Variants in TRIM37 observed in about 807,000 individuals in gnomAD.
TRIM37 encodes tripartite motif containing 37.
TRIM37 carries 80 observed loss-of-function variants against 129.8 expected under a neutral mutation model. The ratio of observed to expected loss-of-function variants is 0.62; its 90% CI spans 0.51 to 0.74. The LOEUF is 0.74. TRIM37 is among the 30% of genes least tolerant of loss of function. The pLI is 0.00. For synonymous variants in TRIM37, 389 were observed against 387.1 expected (o/e 1.00, Z -0.06); for missense variants, 1,054 against 1,176.5 (o/e 0.90, Z 1.52).
the TRIM37 span, among the ~76,000 whole-genome samples, chr17:58,969,198 T>C: frequency 2.0e-5 from 3 of 152,118 alleles, no homozygotes; most frequent in Admixed American, 6.6e-5. Flanking sequence ...ATACCCTCCC[T>C]ATCCCCCCTC....
Position 58,999,367 on chromosome 17 carries a change from G to T in TRIM37, c.*10C>A, listed in dbSNP as rs1310534450. The T allele has an allele frequency of 6.2e-7, 1 of 1,613,852 alleles. No individual in the cohort carries two copies. The highest frequency in any genetic ancestry group is 1.1e-5 in the South Asian group (1 of 91,070). ...AGGTAGCTTGCAAGTCAGTTCTCTT[G>T]ATTTGGCAATTACCTTCCACTATTT... On this transcript the variant is annotated 3_prime_UTR_variant, in exon 24 of 24. Coordinates refer to ENST00000262294, the MANE Select transcript of TRIM37 (RefSeq NM_015294.6).
At chr17:59,041,975 G>A in intron 16 of TRIM37, 77 bp from the exon 17 acceptor site, 1 of 955,760 alleles carries the variant, frequency 1.0e-6, no homozygotes, top group Non-Finnish European at 1.7e-6. Context: ...TAAATTTTAT[G>A]ATATGCAGAT....
intron 16 of TRIM37, among the ~76,000 whole-genome samples, chr17:59,046,076 G>A (rs1036538663): frequency 2.0e-5 from 3 of 151,854 alleles, no homozygotes; most frequent in Non-Finnish European, 4.4e-5. Context: ...CAGGGCAGAA[G>A]GAAAAGCTCT....
intron 17 of TRIM37, among the ~76,000 whole-genome samples, chr17:59,034,656 G>A (rs1032723102): frequency 9.2e-5 from 14 of 151,928 alleles, no homozygotes; most frequent in African/African-American, 2.9e-4. Context: ...CATGGTGCCC[G>A]GCCTATGTTC....
Position 59,034,267 on chromosome 17 carries a change from T to G in TRIM37, c.1754-2177A>C, listed in dbSNP as rs1469071997. 2.0e-5 allele frequency among the ~76,000 whole-genome samples: 3 copies of G among 152,244 alleles called. No homozygotes were observed. In the East Asian group the frequency reaches 5.8e-4, roughly 30 times the overall value. On this transcript the variant is annotated intron_variant, in intron 17 of 23. Transcript: ENST00000262294. ...AATGTAAGTTGCTCATTCTTCCATG[T>G]TAAAGGCACTTACAGTAGAGAAAGC...
chr17:59,102,772 A>G (rs1168987692), intron 2 of TRIM37, among the ~76,000 whole-genome samples: 4 of 152,258 alleles, frequency 2.6e-5, no homozygotes, highest in Non-Finnish European at 1.5e-5. Context: ...ATCCAGTACC[A>G]TCAATTGTGA....
chr17:58,973,045 T>C, the TRIM37 span: 1 of 629,126 alleles, frequency 1.6e-6, no homozygotes, highest in Non-Finnish European at 2.8e-6. Flanking sequence ...TATTATTCTT[T>C]AAAATAATAA....
chr17:59,021,671 T>C (rs2036618655), intron 19 of TRIM37, among the ~76,000 whole-genome samples: 1 of 151,970 alleles, frequency 6.6e-6, no homozygotes, highest in African/African-American at 2.4e-5. Flanking sequence ...TACAAAAATA[T>C]AGTTAGATAG....
At chr17:59,103,153 G>A (rs1473870481) in intron 2 of TRIM37, among the ~76,000 whole-genome samples, 1 of 152,006 alleles carries the variant, frequency 6.6e-6, no homozygotes, top group African/African-American at 2.4e-5. Flanking sequence ...GATTACAGGC[G>A]TGAGCTACCT....
chr17:59,037,059 G>A (rs1029904110), intron 17 of TRIM37, among the ~76,000 whole-genome samples: 5 of 152,048 alleles, frequency 3.3e-5, no homozygotes, highest in Non-Finnish European at 7.4e-5. Flanking sequence ...AGGTTGCAGT[G>A]AGCCGAGATC....
chr17:59,057,090 G>C (rs780535891), intron 12 of TRIM37, 36 bp from the exon 13 acceptor site: 2 of 1,591,376 alleles, frequency 1.3e-6, no homozygotes, highest in Admixed American at 3.3e-5. Context: ...TATACAGTTA[G>C]TAAAGTAAGA....
At chr17:59,028,195 T>G (rs188534358) in intron 19 of TRIM37, among the ~76,000 whole-genome samples, 79 of 152,334 alleles carry the variant, frequency 5.2e-4, no homozygotes, top group African/African-American at 1.8e-3. Context: ...GAATTTTGTC[T>G]TGTTTATTGC....
chr17:59,001,463 A>G, intron 23 of TRIM37, 135 bp downstream of exon 23: 1 of 1,098,284 alleles, frequency 9.1e-7, no homozygotes, highest in Admixed American at 2.7e-5. Flanking sequence ...TTAAAAAAAA[A>G]AAAAAAGAAG....
chr17:59,068,202 C>T (rs958451671), intron 9 of TRIM37, among the ~76,000 whole-genome samples: 1 of 152,126 alleles, frequency 6.6e-6, no homozygotes, highest in African/African-American at 2.4e-5. Context: ...AACAGACTAG[C>T]GAGCATTGTT....
At chr17:59,017,905 C>T (rs1334261820) in intron 19 of TRIM37, among the ~76,000 whole-genome samples, 1 of 152,174 alleles carries the variant, frequency 6.6e-6, no homozygotes, top group Non-Finnish European at 1.5e-5. Flanking sequence ...GGATTACAGG[C>T]ATGGGCCACC....
chr17:59,071,646 TACACACATACACCCGTGTGTAC>T (rs1157796788), intron 8 of TRIM37, among the ~76,000 whole-genome samples: 1 of 150,576 alleles, frequency 6.6e-6, no homozygotes, highest in African/African-American at 2.4e-5. Flanking sequence ...ATACAAAACG[TACACACATACACCCGTGTGTAC>T]ACACACACAC....
At chr17:59,043,347 G>A (rs1417151218) in intron 16 of TRIM37, among the ~76,000 whole-genome samples, 2 of 151,888 alleles carry the variant, frequency 1.3e-5, no homozygotes, top group African/African-American at 4.8e-5. Context: ...TGGTCCCAAG[G>A]GCATACAGCA....
At chr17:59,023,436 G>A (rs920711580) in intron 19 of TRIM37, among the ~76,000 whole-genome samples, 3 of 152,044 alleles carry the variant, frequency 2.0e-5, no homozygotes, top group African/African-American at 7.2e-5. Context: ...GGCAGATCAC[G>A]AGGTCAGGAG....
chr17:59,078,355 G>C (rs1280667338), intron 7 of TRIM37, among the ~76,000 whole-genome samples: 1 of 152,072 alleles, frequency 6.6e-6, no homozygotes, highest in Non-Finnish European at 1.5e-5. Flanking sequence ...GGCAAGTTCA[G>C]TTATTAGAAA....
Sources: allele counts gnomAD v4.1 joint callset (sites outside exome capture counted in the v4.1 genomes callset), GRCh38; gene constraint gnomAD v4.1.1; transcripts MANE v1.5; gene names NCBI Gene and HGNC (gene_info 2026-07-23, HGNC 2026-07-21).